Variants in KCNIP4 observed in about 807,000 individuals in gnomAD.
KCNIP4 encodes potassium voltage-gated channel interacting protein 4.
KCNIP4 carries 12 observed loss-of-function variants against 34.0 expected under a neutral mutation model. That is an observed-to-expected ratio of 0.35 (90% CI 0.23 to 0.57). The LOEUF is 0.57. Ranked by LOEUF, KCNIP4 falls within the 20% of genes least tolerant of loss-of-function variation. The pLI is 0.83. For synonymous variants in KCNIP4, 124 were observed against 102.2 expected, an observed-to-expected ratio of 1.21 and a Z score of -1.29; for missense variants, 238 against 311.7, an observed-to-expected ratio of 0.76 and a Z score of 1.78.
At position 21,170,841 on chromosome 4, in the gene KCNIP4, ATGG is replaced by A. The variant is rs1249976381; in HGVS notation, c.62-288135_62-288133del. Reference sequence around the variant, plus strand: ...AAGTTAATTTTCCTATTTCATAGATATGGAAGTTTGATTTGTTTTCTAATTTTT... The same window carrying A: ...AAGTTAATTTTCCTATTTCATAGATAAAGTTTGATTTGTTTTCTAATTTTT... On this transcript the variant is annotated intron_variant, in intron 1 of 8. Transcript: ENST00000382152. 4.1e-3 allele frequency among the ~76,000 whole-genome samples: 622 copies of A among 152,286 alleles called. 3 individuals are homozygous for A. Among genetic ancestry groups the A allele is most frequent in the African/African-American group, 0.014 (583 of 41,578 alleles).
At chr4:21,449,803 A>G (rs562874230) in intron 1 of KCNIP4, among the ~76,000 whole-genome samples, 2 of 151,976 alleles carry the variant, frequency 1.3e-5, no homozygotes, top group African/African-American at 4.8e-5. Context: ...GTGCTCACAA[A>G]TGTTTTTCAG....
chr4:21,317,213 A>G (rs1713859012), intron 1 of KCNIP4, among the ~76,000 whole-genome samples: 3 of 152,296 alleles, frequency 2.0e-5, no homozygotes, highest in East Asian at 1.9e-4. Context: ...GATTTTATCA[A>G]ACTCTTAACT....
At chr4:21,430,692 T>C (rs1726366811) in intron 1 of KCNIP4, among the ~76,000 whole-genome samples, 1 of 152,060 alleles carries the variant, frequency 6.6e-6, no homozygotes, top group Non-Finnish European at 1.5e-5. Flanking sequence ...AAAGTCACTA[T>C]AGATAAAAAT....
intron 1 of KCNIP4, among the ~76,000 whole-genome samples, chr4:21,380,345 G>GA (rs966352114): frequency 1.1e-4 from 17 of 148,832 alleles, no homozygotes; most frequent in African/African-American, 3.2e-4. Context: ...TCAACAACTG[G>GA]AAAAAAATAC....
chr4:21,064,652 T>C (rs920160603), intron 1 of KCNIP4, among the ~76,000 whole-genome samples: 1 of 152,112 alleles, frequency 6.6e-6, no homozygotes, highest in African/African-American at 2.4e-5. Flanking sequence ...AGAAGGGAAA[T>C]AAATAAGTGC....
chr4:21,672,774 C>T (rs745447173), intron 1 of KCNIP4, among the ~76,000 whole-genome samples: 3 of 152,198 alleles, frequency 2.0e-5, no homozygotes, highest in African/African-American at 4.8e-5. Flanking sequence ...CAGGACTTTG[C>T]GAGTGGCTTA....
At chr4:21,220,670 C>T (rs1392257778) in intron 1 of KCNIP4, among the ~76,000 whole-genome samples, 1 of 151,990 alleles carries the variant, frequency 6.6e-6, no homozygotes, top group Non-Finnish European at 1.5e-5. Context: ...GCCTAGAATT[C>T]CCAGAGGTTC....
chr4:21,097,033 A>T (rs1467455851), intron 1 of KCNIP4, among the ~76,000 whole-genome samples: 2 of 152,222 alleles, frequency 1.3e-5, no homozygotes, highest in Non-Finnish European at 2.9e-5. Context: ...CAAATAGCAC[A>T]TTTTAAAATT....
At chr4:21,861,506 G>A (rs1725071054) in intron 1 of KCNIP4, among the ~76,000 whole-genome samples, 1 of 151,954 alleles carries the variant, frequency 6.6e-6, no homozygotes, top group Admixed American at 6.6e-5. Flanking sequence ...ACAAAAATTA[G>A]CTAGGCATGG....
intron 1 of KCNIP4, among the ~76,000 whole-genome samples, chr4:21,601,921 A>G (rs182203359): frequency 2.4e-4 from 36 of 152,174 alleles, no homozygotes; most frequent in Non-Finnish European, 2.6e-4. Context: ...TGTCCTCCCC[A>G]TATTTCTCTG....
chr4:21,265,296 G>A (rs1560231593), intron 1 of KCNIP4, among the ~76,000 whole-genome samples: 1 of 152,110 alleles, frequency 6.6e-6, no homozygotes, highest in South Asian at 2.1e-4. Flanking sequence ...AGAGGATGGG[G>A]AGTGATGAGA....
chr4:21,830,981 C>T (rs1285615151), intron 1 of KCNIP4, among the ~76,000 whole-genome samples: 1 of 152,012 alleles, frequency 6.6e-6, no homozygotes, highest in African/African-American at 2.4e-5. Context: ...AGTGGTATGA[C>T]TAGAAATCAA....
chr4:21,376,371 T>G lies in KCNIP4; in HGVS notation c.62-493662A>C, dbSNP rs1334719783. On this transcript the variant is annotated intron_variant, in intron 1 of 8. Transcript: ENST00000382152. Reference sequence around the variant, plus strand: ...TTCTTCCATGATCTGGATCCGAGATTTGGATGCTAGCATGATGCCATAAAG... The same window carrying G: ...TTCTTCCATGATCTGGATCCGAGATGTGGATGCTAGCATGATGCCATAAAG... Among the ~76,000 whole-genome samples the G allele has an allele frequency of 9.6e-5, 14 of 146,542 alleles. No individual in the cohort carries two copies. The Admixed American group carries it at 9.8e-4, about 10-fold the overall frequency.
chr4:20,929,529 T>C (rs1378619619), intron 1 of KCNIP4, among the ~76,000 whole-genome samples: 1 of 152,010 alleles, frequency 6.6e-6, no homozygotes, highest in Non-Finnish European at 1.5e-5. Context: ...TTGGAAGTAC[T>C]AGCAATAGCA....
At chr4:21,467,119 A>AC (rs1560434385) in intron 1 of KCNIP4, among the ~76,000 whole-genome samples, 535 of 79,736 alleles carry the variant, frequency 6.7e-3, no homozygotes, top group Middle Eastern at 0.019. Flanking sequence ...CACACACACA[A>AC]AACAGAACAT....
chr4:21,336,616 T>C (rs1716205587), intron 1 of KCNIP4, among the ~76,000 whole-genome samples: 1 of 152,148 alleles, frequency 6.6e-6, no homozygotes, highest in South Asian at 2.1e-4. Context: ...ACCTCTGTGC[T>C]TGGTTCTGTG....
intron 5 of KCNIP4, among the ~76,000 whole-genome samples, chr4:20,743,150 C>A (rs952391793): frequency 6.6e-6 from 1 of 151,916 alleles, no homozygotes; most frequent in African/African-American, 2.4e-5. Context: ...ATTCCATGTT[C>A]ATGGATAGGA....
At chr4:20,970,090 C>T (rs759329182) in intron 1 of KCNIP4, among the ~76,000 whole-genome samples, 8 of 151,846 alleles carry the variant, frequency 5.3e-5, no homozygotes, top group African/African-American at 1.2e-4. Context: ...TACAGGCGCC[C>T]GCCACCACGC....
intron 1 of KCNIP4, among the ~76,000 whole-genome samples, chr4:20,908,391 G>A (rs763685769): frequency 1.7e-4 from 26 of 152,102 alleles, no homozygotes; most frequent in Non-Finnish European, 3.1e-4. Context: ...CACCGCACCC[G>A]GCCTCGTCAG....
Sources: allele counts gnomAD v4.1 joint callset (sites outside exome capture counted in the v4.1 genomes callset), GRCh38; gene constraint gnomAD v4.1.1; transcripts MANE v1.5; gene names NCBI Gene and HGNC (gene_info 2026-07-23, HGNC 2026-07-21).